Variants in FOXP2 observed in about 807,000 individuals in gnomAD.
The protein encoded by FOXP2 is forkhead box protein P2.
A neutral mutation model predicts 115.8 loss-of-function variants in FOXP2; 12 were observed. The observed-to-expected ratio is 0.10, with a 90% CI of 0.07 to 0.17. FOXP2 has a LOEUF of 0.17. Ranked by LOEUF, FOXP2 falls within the 10% of genes least tolerant of loss-of-function variation. FOXP2 has a pLI of 1.00. For missense variants in FOXP2, 629 were observed against 843.5 expected, an observed-to-expected ratio of 0.75 and a Z score of 3.15; for synonymous variants, 328 against 297.7, an observed-to-expected ratio of 1.10 and a Z score of -1.05.
chr7:114,563,058 A>T (rs1800830378), intron 3 of FOXP2, among the ~76,000 whole-genome samples: 2 of 152,108 alleles, frequency 1.3e-5, no homozygotes, highest in African/African-American at 4.8e-5. Flanking sequence ...ATGTGCAGGG[A>T]CACTCCCTTT....
chr7:114,464,423 T>C (rs1185488415), intron 2 of FOXP2, among the ~76,000 whole-genome samples: 1 of 152,216 alleles, frequency 6.6e-6, no homozygotes, highest in Non-Finnish European at 1.5e-5. Flanking sequence ...ACTGTCTGTT[T>C]TGACTAAGGA....
chr7:114,361,139 A>C (rs1243997659), intron 2 of FOXP2, among the ~76,000 whole-genome samples: 1 of 152,162 alleles, frequency 6.6e-6, no homozygotes, highest in Non-Finnish European at 1.5e-5. Flanking sequence ...TCATCAGAGA[A>C]ATATTAGGGA....
intron 1 of FOXP2, among the ~76,000 whole-genome samples, chr7:114,237,382 TCA>T (rs1217004652): frequency 6.6e-6 from 1 of 152,192 alleles, no homozygotes; most frequent in East Asian, 1.9e-4. Flanking sequence ...TCTCTAATTC[TCA>T]GTTTCTTCAG....
At chr7:114,377,537 G>T (rs1289322942) in intron 2 of FOXP2, among the ~76,000 whole-genome samples, 3 of 152,172 alleles carry the variant, frequency 2.0e-5, no homozygotes, top group African/African-American at 7.2e-5. Flanking sequence ...TTAGAAATGT[G>T]CAGTCATATT....
At chr7:114,491,312 A>G (rs1191298591) in intron 2 of FOXP2, among the ~76,000 whole-genome samples, 1 of 152,028 alleles carries the variant, frequency 6.6e-6, no homozygotes, top group Non-Finnish European at 1.5e-5. Flanking sequence ...TTCTTTGGAG[A>G]AGTGTCTGTT....
chr7:114,194,625 T>A (rs1223644107), intron 1 of FOXP2, among the ~76,000 whole-genome samples: 1 of 152,158 alleles, frequency 6.6e-6, no homozygotes, highest in African/African-American at 2.4e-5. Context: ...TGACACGTTT[T>A]CTCCTCTTTT....
intron 2 of FOXP2, among the ~76,000 whole-genome samples, chr7:114,528,535 T>A (rs966661785): frequency 9.9e-5 from 15 of 152,070 alleles, no homozygotes; most frequent in Non-Finnish European, 1.3e-4. Context: ...AACACTTTTA[T>A]GTATTTTATT....
chr7:114,434,580 G>A (rs771994907), intron 2 of FOXP2, among the ~76,000 whole-genome samples: 2 of 151,856 alleles, frequency 1.3e-5, no homozygotes, highest in Admixed American at 6.6e-5. Flanking sequence ...GAACTTTGAG[G>A]GTAGGAGTAG....
chr7:114,117,189 G>A (rs1791431593), intron 1 of FOXP2, among the ~76,000 whole-genome samples: 1 of 150,954 alleles, frequency 6.6e-6, no homozygotes, highest in African/African-American at 2.4e-5. Flanking sequence ...AATGCTTTAG[G>A]AATATTTAGA....
chr7:114,523,865 T>G (rs1203970989), intron 2 of FOXP2, among the ~76,000 whole-genome samples: 1 of 152,282 alleles, frequency 6.6e-6, no homozygotes, highest in East Asian at 1.9e-4. Context: ...ATTACTCTTA[T>G]GAGGACTAAA....
chr7:114,225,852 T>G (rs1794733339), intron 1 of FOXP2, among the ~76,000 whole-genome samples: 1 of 152,190 alleles, frequency 6.6e-6, no homozygotes, highest in African/African-American at 2.4e-5. Flanking sequence ...CACCCTACCT[T>G]GTAGTAAACC....
intron 1 of FOXP2, among the ~76,000 whole-genome samples, chr7:114,257,868 G>A (rs1463096995): frequency 6.6e-6 from 1 of 152,198 alleles, no homozygotes; most frequent in Non-Finnish European, 1.5e-5. Context: ...CCTTACATGG[G>A]AGCATGCTTT....
At chr7:114,639,232 A>G (rs555545755) in intron 6 of FOXP2, among the ~76,000 whole-genome samples, 30 of 152,326 alleles carry the variant, frequency 2.0e-4, no homozygotes, top group Non-Finnish European at 3.4e-4. Flanking sequence ...TTCTTTAGAC[A>G]CTGGTCTTGT....
intron 1 of FOXP2, among the ~76,000 whole-genome samples, chr7:114,261,949 T>C (rs974766626): frequency 2.0e-5 from 3 of 151,940 alleles, no homozygotes; most frequent in African/African-American, 7.3e-5. Context: ...TCCCAGCAAC[T>C]TGGGAGGCTG....
At chr7:114,520,387 G>T (rs1798557893) in intron 2 of FOXP2, among the ~76,000 whole-genome samples, 1 of 151,968 alleles carries the variant, frequency 6.6e-6, no homozygotes, top group African/African-American at 2.4e-5. Context: ...ATGTCATATA[G>T]TATGTAACAT....
intron 1 of FOXP2, among the ~76,000 whole-genome samples, chr7:114,189,691 G>C (rs995784888): frequency 1.3e-5 from 2 of 152,088 alleles, no homozygotes; most frequent in African/African-American, 2.4e-5. Flanking sequence ...TCATTATTTG[G>C]GAGACGTCAC....
At chr7:114,499,615 G>T (rs1363748934) in intron 2 of FOXP2, 2 of 152,160 alleles carry the variant, frequency 1.3e-5, no homozygotes, top group Non-Finnish European at 2.9e-5. Context: ...AGAAAGCTCA[G>T]CATTAAATTT....
intron 6 of FOXP2, among the ~76,000 whole-genome samples, chr7:114,632,788 A>G (rs947772579): frequency 3.3e-5 from 5 of 152,168 alleles, no homozygotes; most frequent in African/African-American, 1.2e-4. Flanking sequence ...GATAAAGTTT[A>G]AATAGCAAAA....
At chr7:114,120,049 T>C (rs1791515978) in intron 1 of FOXP2, among the ~76,000 whole-genome samples, 1 of 152,176 alleles carries the variant, frequency 6.6e-6, no homozygotes, top group African/African-American at 2.4e-5. Context: ...TTATATATTC[T>C]GACATCTCAT....
Sources: allele counts gnomAD v4.1 joint callset (sites outside exome capture counted in the v4.1 genomes callset), GRCh38; gene constraint gnomAD v4.1.1; transcripts MANE v1.5; gene names NCBI Gene and HGNC (gene_info 2026-07-23, HGNC 2026-07-21).